Variants in MICU2 observed in about 807,000 individuals in gnomAD.
MICU2 encodes the protein mitochondrial calcium uptake 2.
A neutral mutation model predicts 60.4 loss-of-function variants in MICU2; 64 were observed. The observed-to-expected ratio is 1.06, with a 90% CI of 0.87 to 1.31. The LOEUF (loss-of-function observed/expected upper bound fraction) is 1.31. Among genes scored for constraint, MICU2 ranks in the 50% most tolerant of loss-of-function variants. MICU2 has a pLI of 0.00. For synonymous variants in MICU2, 201 were observed against 175.0 expected, an observed-to-expected ratio of 1.15 and a Z score of -1.17; for missense variants, 569 against 531.0, an observed-to-expected ratio of 1.07 and a Z score of -0.70.
chr13:21,494,163 AAT>A (rs1213498191), intron 11 of MICU2, among the ~76,000 whole-genome samples: 11 of 152,224 alleles, frequency 7.2e-5, no homozygotes, highest in South Asian at 2.1e-4. Flanking sequence ...ATAAAATATT[AAT>A]ATGTTTGCTA....
chr13:21,557,719 C>A (rs1179791903), intron 2 of MICU2, among the ~76,000 whole-genome samples: 1 of 152,008 alleles, frequency 6.6e-6, no homozygotes, highest in Non-Finnish European at 1.5e-5. Flanking sequence ...GATTATTATC[C>A]TTCTTATCCA....
intron 2 of MICU2, among the ~76,000 whole-genome samples, chr13:21,552,964 A>G (rs1887611055): frequency 6.6e-6 from 1 of 152,176 alleles, no homozygotes; most frequent in African/African-American, 2.4e-5. Context: ...CAATTCTGTG[A>G]AGAAAGTCAT....
rs373928970 is a variant in MICU2, at chr13:21,520,660, G to T, written c.597+585C>A. 4.0e-3 allele frequency among the ~76,000 whole-genome samples: 573 copies of T among 144,596 alleles called. 4 individuals are homozygous for T. Among genetic ancestry groups the T allele is most frequent in the South Asian group, 0.014 (67 of 4,678 alleles). 94.9% of individuals were successfully genotyped at this position (144,596 alleles called of 152,430 possible). The stretch of plus-strand genomic sequence containing the variant: ...TGTTGATGTGCATTGAGGTTTTTTT[G>T]TTTTTTTTTTTTAATATTAGCACCA... On this transcript the variant is annotated intron_variant, in intron 6 of 11. Transcript: ENST00000382374.
intron 2 of MICU2, among the ~76,000 whole-genome samples, chr13:21,565,332 A>T (rs1343800455): frequency 6.6e-6 from 1 of 151,586 alleles, no homozygotes; most frequent in Admixed American, 6.6e-5. Flanking sequence ...GGTTGAGACC[A>T]GCCTGGCCAA....
chr13:21,590,851 C>A (rs905863437), intron 1 of MICU2, among the ~76,000 whole-genome samples: 1 of 152,030 alleles, frequency 6.6e-6, no homozygotes, highest in African/African-American at 2.4e-5. Context: ...GAGACTCTGT[C>A]TCAAAAAACA....
chr13:21,532,421 T>C (rs9552446), intron 4 of MICU2, among the ~76,000 whole-genome samples: 27,672 of 152,172 alleles, frequency 0.18, 3,960 homozygotes, highest in East Asian at 0.67. Context: ...CCAAGTACTC[T>C]CCCAATTTTC....
intron 2 of MICU2, among the ~76,000 whole-genome samples, chr13:21,558,909 T>A (rs757036857): frequency 1.3e-5 from 2 of 152,120 alleles, no homozygotes; most frequent in Non-Finnish European, 2.9e-5. Context: ...TGAGAAATGC[T>A]GGTATCCGGT....
intron 9 of MICU2, among the ~76,000 whole-genome samples, chr13:21,499,918 A>C (rs1224960797): frequency 6.6e-6 from 1 of 152,160 alleles, no homozygotes. Context: ...CCAGCTACTC[A>C]GGAGGCTGAG....
chr13:21,550,608 A>G (rs1395659000), intron 2 of MICU2, among the ~76,000 whole-genome samples: 1 of 152,234 alleles, frequency 6.6e-6, no homozygotes, highest in Admixed American at 6.5e-5. Context: ...AACGCTCATT[A>G]TAAAACGTTT....
At chr13:21,511,678 C>T (rs758194090) in intron 7 of MICU2, among the ~76,000 whole-genome samples, 6 of 151,984 alleles carry the variant, frequency 3.9e-5, no homozygotes, top group Non-Finnish European at 8.8e-5. Context: ...TTTATAGCTA[C>T]ACCAGCTTTC....
chr13:21,517,793 A>ATGCG, intron 6 of MICU2, among the ~76,000 whole-genome samples: 1 of 97,284 alleles, frequency 1.0e-5, no homozygotes, highest in Admixed American at 9.9e-5. Context: ...ACACACACAC[A>ATGCG]CACACACGCG....
chr13:21,523,397 T>TA (rs1446035791), intron 4 of MICU2, among the ~76,000 whole-genome samples: 2 of 152,002 alleles, frequency 1.3e-5, no homozygotes, highest in Non-Finnish European at 1.5e-5. Context: ...TACTTCTACT[T>TA]AAAGTTTTAC....
intron 6 of MICU2, among the ~76,000 whole-genome samples, chr13:21,519,056 G>T (rs1886651252): frequency 6.6e-6 from 1 of 152,068 alleles, no homozygotes; most frequent in Non-Finnish European, 1.5e-5. Context: ...ATTCTTAAGA[G>T]TTCGGTGTCT....
At chr13:21,525,512 G>A (rs1457217993) in intron 4 of MICU2, among the ~76,000 whole-genome samples, 1 of 151,528 alleles carries the variant, frequency 6.6e-6, no homozygotes, top group African/African-American at 2.4e-5. Context: ...AATTTTTGAG[G>A]AATCGCCCTA....
In MICU2 at chr13:21,539,708, T is replaced by C; in HGVS notation, c.359-20A>G. The stretch of plus-strand genomic sequence containing the variant: ...TTTTACCTACAACAAATAAGAAACA[T>C]TATTTAGTATCCATATTCTTTGGTA... On this transcript the variant is annotated intron_variant, in intron 2 of 11. Transcript: ENST00000382374. 1 of 1,610,848 alleles carries C rather than the reference T, an allele frequency of 6.2e-7. No individual in the cohort carries two copies. The highest frequency in any genetic ancestry group is 8.5e-7 in the Non-Finnish European group (1 of 1,177,262).
chr13:21,534,465 C>T (rs1324559550), intron 4 of MICU2, among the ~76,000 whole-genome samples: 2 of 152,056 alleles, frequency 1.3e-5, no homozygotes, highest in Admixed American at 6.5e-5. Context: ...CCTTGGCCTC[C>T]CAAAGTGCTG....
At chr13:21,507,040 C>T (rs1001663237) in intron 8 of MICU2, among the ~76,000 whole-genome samples, 23 of 152,146 alleles carry the variant, frequency 1.5e-4, no homozygotes, top group African/African-American at 4.3e-4. Context: ...AAGAGATTAT[C>T]TTATGATTGC....
intron 1 of MICU2, among the ~76,000 whole-genome samples, chr13:21,596,179 C>T (rs1418219535): frequency 6.6e-6 from 1 of 152,078 alleles, no homozygotes; most frequent in East Asian, 1.9e-4. Context: ...TGCTTAAAAC[C>T]ACGGGAGCCT....
intron 1 of MICU2, among the ~76,000 whole-genome samples, chr13:21,600,429 T>C (rs1379433083): frequency 6.6e-6 from 1 of 152,338 alleles, no homozygotes; most frequent in East Asian, 1.9e-4. Context: ...TCTTCCACTA[T>C]GCTTCCACAG....
Sources: gnomAD v4.1 joint callset for allele counts (sites outside exome capture counted in the v4.1 genomes callset) on GRCh38, gnomAD v4.1.1 for gene constraint, MANE v1.5 for transcripts, NCBI Gene and HGNC (gene_info 2026-07-23, HGNC 2026-07-21) for gene names.